PRKCB: variants seen among roughly 807,000 people sequenced by gnomAD.
The protein encoded by PRKCB is protein kinase C beta type.
A neutral mutation model predicts 81.5 loss-of-function variants in PRKCB; 13 were observed. The ratio of observed to expected loss-of-function variants is 0.16; its 90% CI spans 0.10 to 0.25. The LOEUF is 0.25. Among genes scored for constraint, PRKCB ranks in the 10% least tolerant of loss-of-function variants. The probability of loss-of-function intolerance (pLI) is 1.00; values close to 1 mark genes in which losing one functional copy is unlikely to be tolerated. For missense variants in PRKCB, 509 were observed against 875.7 expected (o/e 0.58, Z 5.29); for synonymous variants, 335 against 321.4 (o/e 1.04, Z -0.45).
At chr16:24,170,160 G>C (rs1303271717) in intron 10 of PRKCB, among the ~76,000 whole-genome samples, 1 of 152,052 alleles carries the variant, frequency 6.6e-6, no homozygotes, top group Non-Finnish European at 1.5e-5. Flanking sequence ...TAGAATGAAA[G>C]ACAAAGGCCA....
At chr16:23,953,450 G>C (rs577329654) in intron 2 of PRKCB, among the ~76,000 whole-genome samples, 2 of 152,354 alleles carry the variant, frequency 1.3e-5, no homozygotes, top group South Asian at 4.1e-4. Flanking sequence ...TCCTGTTGCA[G>C]CTGGGGAGAA....
intron 2 of PRKCB, among the ~76,000 whole-genome samples, chr16:23,913,431 C>T (rs938097248): frequency 6.6e-6 from 1 of 152,056 alleles, no homozygotes; most frequent in African/African-American, 2.4e-5. Flanking sequence ...GTGTAGACAT[C>T]ATATCACTGG....
chr16:24,056,225 A>G (rs1364509666), intron 5 of PRKCB, among the ~76,000 whole-genome samples: 1 of 152,162 alleles, frequency 6.6e-6, no homozygotes, highest in Non-Finnish European at 1.5e-5. Context: ...TCTGGCCATG[A>G]TTTCCCCAGC....
chr16:23,878,679 C>T (rs1039825658), intron 2 of PRKCB, among the ~76,000 whole-genome samples: 1 of 152,168 alleles, frequency 6.6e-6, no homozygotes, highest in Non-Finnish European at 1.5e-5. Context: ...CATGAAAGAA[C>T]CTTGAGTATG....
At chr16:24,158,017 G>A (rs1967190015) in intron 10 of PRKCB, among the ~76,000 whole-genome samples, 1 of 152,154 alleles carries the variant, frequency 6.6e-6, no homozygotes, top group South Asian at 2.1e-4. Flanking sequence ...ACAAGTCCAA[G>A]GATGGAACAG....
chr16:24,019,008 C>A (rs16973144), intron 3 of PRKCB, among the ~76,000 whole-genome samples: 7,585 of 152,130 alleles, frequency 0.05, 283 homozygotes, highest in African/African-American at 0.1. Flanking sequence ...GTGTTACTCA[C>A]GGTGGTAGTA....
At chr16:23,879,004 C>T (rs6497693) in intron 2 of PRKCB, among the ~76,000 whole-genome samples, 147,053 of 152,140 alleles carry the variant, frequency 0.97, 71,101 homozygotes, top group East Asian at 1. Flanking sequence ...GGTGAAACCC[C>T]GTCTCTACTA....
At chr16:23,991,526 TTCTA>T (rs1213995808) in intron 3 of PRKCB, among the ~76,000 whole-genome samples, 1 of 152,180 alleles carries the variant, frequency 6.6e-6, no homozygotes, top group African/African-American at 2.4e-5. Flanking sequence ...GTTTCCCATA[TTCTA>T]TCTATCTGCT....
At chr16:23,928,425 G>C (rs537945076) in intron 2 of PRKCB, among the ~76,000 whole-genome samples, 18 of 152,232 alleles carry the variant, frequency 1.2e-4, no homozygotes, top group African/African-American at 3.6e-4. Context: ...ACCGCGCCCG[G>C]CCCACAGACA....
At chr16:23,967,386 T>C (rs1964502452) in intron 2 of PRKCB, among the ~76,000 whole-genome samples, 1 of 152,178 alleles carries the variant, frequency 6.6e-6, no homozygotes, top group Non-Finnish European at 1.5e-5. Context: ...GTGATGGTGA[T>C]GTGGAGAAAA....
intron 2 of PRKCB, among the ~76,000 whole-genome samples, chr16:23,885,004 A>G (rs1468483414): frequency 6.6e-6 from 1 of 151,504 alleles, no homozygotes; most frequent in Non-Finnish European, 1.5e-5. Flanking sequence ...TCTGGATTTT[A>G]GTTTCCTTGC....
chr16:24,158,117 C>T (rs934552213), intron 10 of PRKCB, among the ~76,000 whole-genome samples: 3 of 152,136 alleles, frequency 2.0e-5, no homozygotes, highest in African/African-American at 4.8e-5. Context: ...CTTGGAGAGA[C>T]GCACTCACTG....
chr16:23,972,333 C>A (rs1327657056), intron 2 of PRKCB, among the ~76,000 whole-genome samples: 1 of 152,080 alleles, frequency 6.6e-6, no homozygotes, highest in Non-Finnish European at 1.5e-5. Flanking sequence ...GCGTATAATA[C>A]ATTTGTATTG....
rs1567311221 is a variant in PRKCB at position 23,911,825 on chromosome 16, C to CTTTTTTTTTTTTTTTTTTTTTTTTT, written c.205+74419_205+74420insTTTTTTTTTTTTTTTTTTTTTTTTT. On this transcript the variant is annotated intron_variant, in intron 2 of 16. Coordinates refer to ENST00000643927, the MANE Select transcript of PRKCB (RefSeq NM_002738.7). ...CTTGTCCTGGGATATGCGCGACCCA[C>CTTTTTTTTTTTTTTTTTTTTTTTTT]ATTTTTTTTTTTTTTTTTTTTTTTT... Among the ~76,000 whole-genome samples the CTTTTTTTTTTTTTTTTTTTTTTTTT allele has an allele frequency of 1.6e-5, 2 of 126,372 alleles. 1 individual carries two copies. The allele number at this position is 126,372 out of a possible 152,430, so 82.9% of individuals were successfully genotyped here. A position where few individuals can be genotyped will look rare whatever the true frequency, so the allele number is the denominator to read the frequency against.
chr16:24,137,636 G>T (rs1247094123), intron 9 of PRKCB, among the ~76,000 whole-genome samples: 1 of 152,150 alleles, frequency 6.6e-6, no homozygotes, highest in Non-Finnish European at 1.5e-5. Context: ...CAATTATTGT[G>T]CTATCATGGT....
chr16:23,836,625 A>C (rs7184668), intron 1 of PRKCB, among the ~76,000 whole-genome samples: 114,051 of 151,870 alleles, frequency 0.75, 42,863 homozygotes, highest in Admixed American at 0.79. Context: ...GCGTCGCGGG[A>C]GCCTTTGCTC....
intron 15 of PRKCB, among the ~76,000 whole-genome samples, chr16:24,190,089 C>CA (rs1188609333): frequency 1.3e-5 from 2 of 152,114 alleles, no homozygotes; most frequent in African/African-American, 2.4e-5. Context: ...ATTTAGCACT[C>CA]AGAGACCCAA....
intron 3 of PRKCB, among the ~76,000 whole-genome samples, chr16:24,002,329 G>C (rs373373182): frequency 3.6e-5 from 2 of 55,474 alleles, no homozygotes; most frequent in East Asian, 8.1e-4. Context: ...GTGTGCGTGC[G>C]TGTGTGTGTG....
At chr16:24,085,968 C>G (rs914945851) in intron 5 of PRKCB, among the ~76,000 whole-genome samples, 9 of 152,108 alleles carry the variant, frequency 5.9e-5, no homozygotes, top group East Asian at 1.9e-4. Context: ...GTTCTAGGAG[C>G]CTTTGGGACC....
Sources: allele counts gnomAD v4.1 joint callset (sites outside exome capture counted in the v4.1 genomes callset), GRCh38; gene constraint gnomAD v4.1.1; transcripts MANE v1.5; gene names NCBI Gene and HGNC (gene_info 2026-07-23, HGNC 2026-07-21).